Variants in RXRA observed in about 807,000 individuals in gnomAD.
RXRA encodes the protein retinoic acid receptor RXR-alpha.
Under a neutral mutation model 44.5 loss-of-function variants are expected in RXRA, and 5 were observed. The ratio of observed to expected loss-of-function variants is 0.11; its 90% CI spans 0.06 to 0.24. RXRA has a LOEUF of 0.24. Among genes scored for constraint, RXRA ranks in the 10% least tolerant of loss-of-function variants. RXRA has a pLI of 1.00. For synonymous variants in RXRA, 291 were observed against 271.4 expected, an observed-to-expected ratio of 1.07 and a Z score of -0.71; for missense variants, 412 against 646.5, an observed-to-expected ratio of 0.64 and a Z score of 3.93.
intron 7 of RXRA, among the ~76,000 whole-genome samples, chr9:134,431,144 C>T (rs1205778327): frequency 6.6e-6 from 1 of 152,254 alleles, no homozygotes. Context: ...ACCTCCTTTC[C>T]CCCGCTGTGG....
Position 134,440,213 on chromosome 9 carries a change from C to G in RXRA, c.*3599C>G, listed in dbSNP as rs1224806306. 2 of 152,026 alleles carry G rather than the reference C, an allele frequency of 1.3e-5. No individual in the cohort carries two copies. Among genetic ancestry groups the G allele is most frequent in the African/African-American group, 4.8e-5 (2 of 41,328 alleles). 9.4% of individuals were successfully genotyped at this position (152,026 alleles called of 1,614,324 possible). A position where few individuals can be genotyped will look rare whatever the true frequency, so the allele number is the denominator to read the frequency against. On this transcript the variant is annotated 3_prime_UTR_variant, in exon 10 of 10. Transcript: ENST00000481739. ...CTAGAGATTGAGGTGAAAGCTTCGTCCGAGAAACGCCAGGACAGACGATGG... is the reference window on the plus strand; with the variant it reads ...CTAGAGATTGAGGTGAAAGCTTCGTGCGAGAAACGCCAGGACAGACGATGG...
At chr9:134,397,061 G>A (rs1830891048) in intron 1 of RXRA, among the ~76,000 whole-genome samples, 1 of 152,218 alleles carries the variant, frequency 6.6e-6, no homozygotes, top group African/African-American at 2.4e-5. Flanking sequence ...GGAGTTGGTG[G>A]GGGTTCCCCA....
At chr9:134,376,443 C>T (rs137898490) in intron 1 of RXRA, among the ~76,000 whole-genome samples, 1 of 152,220 alleles carries the variant, frequency 6.6e-6, no homozygotes, top group Admixed American at 6.5e-5. Context: ...CAACCACAGC[C>T]CCCACTGCTG....
chr9:134,351,134 T>C (rs1205388502), intron 1 of RXRA, among the ~76,000 whole-genome samples: 2 of 152,204 alleles, frequency 1.3e-5, no homozygotes, highest in African/African-American at 4.8e-5. Context: ...AATGCTTTGC[T>C]TAGGAAATCA....
chr9:134,345,849 G>C (rs560652301), intron 1 of RXRA, among the ~76,000 whole-genome samples: 1 of 152,234 alleles, frequency 6.6e-6, no homozygotes, highest in Admixed American at 6.5e-5. Context: ...GTCAGTTCCC[G>C]GCACAGATGA....
intron 5 of RXRA, among the ~76,000 whole-genome samples, chr9:134,420,508 C>T (rs979475311): frequency 6.6e-6 from 1 of 152,208 alleles, no homozygotes; most frequent in Non-Finnish European, 1.5e-5. Flanking sequence ...TTCCGAGGGT[C>T]CTGGCGAGTC....
At chr9:134,369,670 T>G (rs1830466925) in intron 1 of RXRA, among the ~76,000 whole-genome samples, 1 of 151,686 alleles carries the variant, frequency 6.6e-6, no homozygotes, top group African/African-American at 2.4e-5. Context: ...GGCATGGGAG[T>G]CATGGGCCTG....
chr9:134,437,869 T>C lies in RXRA; in HGVS notation c.*1255T>C, dbSNP rs1027469609. On this transcript the variant is annotated 3_prime_UTR_variant, in exon 10 of 10. Coordinates refer to ENST00000481739, the MANE Select transcript of RXRA (RefSeq NM_002957.6). ...GCCTGGTATTGTCCACGGACAGCGT[T>C]GTTCACCCAGAGCCTTACTTGGGAG... 1 of 151,878 alleles carries C rather than the reference T, an allele frequency of 6.6e-6. No homozygotes were observed. Among genetic ancestry groups the C allele is most frequent in the African/African-American group, 2.4e-5 (1 of 41,326 alleles). 9.4% of individuals were successfully genotyped at this position (151,878 alleles called of 1,614,324 possible).
In RXRA at chr9:134,432,663, G is replaced by A. The variant is rs34726986; in HGVS notation, c.1135+667G>A. ...ATGGGAGGGCCCCTTCAAGCTGCTG[G>A]ATAGGGCTTGCCTGCCTAGAGCTTG... is the stretch of plus-strand genomic sequence containing the variant. On this transcript the variant is annotated intron_variant, in intron 8 of 9. Coordinates refer to ENST00000481739, the MANE Select transcript of RXRA (RefSeq NM_002957.6). Among the ~76,000 whole-genome samples, 495 of 152,388 alleles carry A rather than the reference G, an allele frequency of 3.2e-3. 6 individuals carry two copies. Among genetic ancestry groups the A allele is most frequent in the African/African-American group, 0.011 (466 of 41,598 alleles).
Position 134,435,842 on chromosome 9 carries a change from C to T in RXRA, c.1242-625C>T, listed in dbSNP as rs117211411. 3.6e-4 allele frequency among the ~76,000 whole-genome samples: 55 copies of T among 152,300 alleles called. 1 individual carries two copies. In the East Asian group the frequency reaches 9.7e-3, roughly 27 times the overall value. On this transcript the variant is annotated intron_variant, in intron 9 of 9. Coordinates refer to ENST00000481739, the MANE Select transcript of RXRA (RefSeq NM_002957.6). Reference sequence around the variant, plus strand: ...CAGCCAGATGCATTACTGATACTCACACCCGCTCCCGGCTGTCATGGCCCA... The same window carrying T: ...CAGCCAGATGCATTACTGATACTCATACCCGCTCCCGGCTGTCATGGCCCA...
At chr9:134,425,013 C>A (rs922236428) in intron 6 of RXRA, 13 of 985,448 alleles carry the variant, frequency 1.3e-5, no homozygotes, top group Non-Finnish European at 1.6e-5. Context: ...GCGACAGCAA[C>A]GATGGGAATG....
intron 1 of RXRA, among the ~76,000 whole-genome samples, chr9:134,385,251 A>G (rs764637228): frequency 6.6e-6 from 1 of 152,056 alleles, no homozygotes; most frequent in Non-Finnish European, 1.5e-5. Context: ...CACACTCACT[A>G]CCGGCCCGGG....
At chr9:134,399,677 C>A (rs1188119695) in intron 1 of RXRA, among the ~76,000 whole-genome samples, 1 of 152,214 alleles carries the variant, frequency 6.6e-6, no homozygotes, top group African/African-American at 2.4e-5. Context: ...TTCTGGAATT[C>A]CTTAAGTCTG....
At position 134,374,941 on chromosome 9, in the gene RXRA, AG is replaced by A. The variant is rs527877395; in HGVS notation, c.29-26688del. ...ACCTGCTATGTGCCAGGCACTGGCC[AG>A]GGCCCAGGGTGTCACAATGGAGTGG... On this transcript the variant is annotated intron_variant, in intron 1 of 9. Transcript: ENST00000481739. 8.9e-4 allele frequency among the ~76,000 whole-genome samples: 136 copies of A among 152,252 alleles called. 1 individual carries two copies. The highest frequency in any genetic ancestry group is 3.2e-3 in the African/African-American group (133 of 41,564).
At chr9:134,357,016 C>T (rs902754803) in intron 1 of RXRA, among the ~76,000 whole-genome samples, 9 of 152,156 alleles carry the variant, frequency 5.9e-5, no homozygotes, top group African/African-American at 1.7e-4. Context: ...CAGGCAGAGC[C>T]GGGGAGGCGT....
intron 1 of RXRA, chr9:134,379,422 C>G: frequency 1.0e-6 from 1 of 987,496 alleles, no homozygotes; most frequent in Non-Finnish European, 1.2e-6. Context: ...CCTCCCTTCA[C>G]TTCCTGGCCA....
chr9:134,410,505 CCTGGAGAGGTGTGGACCCAGT>C (rs1564289844), intron 4 of RXRA, among the ~76,000 whole-genome samples: 1 of 152,202 alleles, frequency 6.6e-6, no homozygotes, highest in Non-Finnish European at 1.5e-5. Context: ...GTGTACCCAG[CCTGGAGAGGTGTGGACCCAGT>C]CTGGTTCTTC....
intron 2 of RXRA, chr9:134,405,386 GC>G (rs1326797612): frequency 6.6e-6 from 1 of 152,284 alleles, no homozygotes; most frequent in Admixed American, 6.5e-5. Context: ...GGCTCACTGG[GC>G]TAGCCAGACC....
rs995653694 is a variant in RXRA, at chr9:134,429,090, T to C, written c.911-18T>C. The C allele has an allele frequency of 1.9e-6, 3 of 1,612,598 alleles. No homozygotes were observed. Among genetic ancestry groups the C allele is most frequent in the African/African-American group, 1.3e-5 (1 of 74,922 alleles). The stretch of plus-strand genomic sequence containing the variant: ...TGGGGCCTGGAGACAGCTGAGTGAC[T>C]GTGTGCCTCCTCCCCAGGCTGGAAT... On this transcript the variant is annotated intron_variant, in intron 6 of 9. Coordinates refer to ENST00000481739, the MANE Select transcript of RXRA (RefSeq NM_002957.6).
Sources: allele counts gnomAD v4.1 joint callset (sites outside exome capture counted in the v4.1 genomes callset), GRCh38; gene constraint gnomAD v4.1.1; transcripts MANE v1.5; gene names NCBI Gene and HGNC (gene_info 2026-07-23, HGNC 2026-07-21).